IQCK: variants seen among roughly 807,000 people sequenced by gnomAD.
The protein encoded by IQCK is IQ motif containing K.
In IQCK, 29 loss-of-function variants were observed where a neutral mutation model predicts 28.1. That is an observed-to-expected ratio of 1.03 (90% CI 0.77 to 1.41). The LOEUF (loss-of-function observed/expected upper bound fraction) is 1.41. Among genes scored for constraint, IQCK ranks in the 40% most tolerant of loss-of-function variants. The probability of loss-of-function intolerance (pLI) is 0.00; values close to 1 mark genes in which losing one functional copy is unlikely to be tolerated. For synonymous variants in IQCK, 113 were observed against 115.1 expected, an observed-to-expected ratio of 0.98 and a Z score of 0.12; for missense variants, 359 against 314.7, an observed-to-expected ratio of 1.14 and a Z score of -1.07.
At position 19,825,347 on chromosome 16, in the gene IQCK, C is replaced by A. The variant is rs936300526; in HGVS notation, c.691-1679C>A. On this transcript the variant is annotated intron_variant, in intron 7 of 7. Coordinates refer to ENST00000564186, the Ensembl canonical transcript of IQCK. This position sits in a 1 kb window ranked among gnomAD's most constrained non-coding sequence, Gnocchi z 4.2. ...ACCAGCCTGACCAACATGGTAAAAC[C>A]CTGTCTCTACTAAAAATACAAAATT... Among the ~76,000 whole-genome samples the A allele has an allele frequency of 6.6e-6, 1 of 151,450 alleles. No homozygotes were observed. The highest frequency in any genetic ancestry group is 1.5e-5 in the Non-Finnish European group (1 of 67,906).
chr16:19,853,276 C>T (rs575519223), intron 9 of IQCK, among the ~76,000 whole-genome samples: 1 of 152,238 alleles, frequency 6.6e-6, no homozygotes, highest in African/African-American at 2.4e-5. Flanking sequence ...CCACGTCACA[C>T]CTTGATTTCC....
At chr16:19,819,230 C>T (rs1017314984) in intron 7 of IQCK, among the ~76,000 whole-genome samples, 6 of 152,124 alleles carry the variant, frequency 3.9e-5, no homozygotes, top group Non-Finnish European at 5.9e-5. Flanking sequence ...TGTTGTCTCA[C>T]GCCTGTAATT....
chr16:19,746,060 T>G (rs1295504072), intron 4 of IQCK, among the ~76,000 whole-genome samples: 3 of 150,548 alleles, frequency 2.0e-5, no homozygotes, highest in Non-Finnish European at 4.4e-5. Flanking sequence ...TCCCAGCTGC[T>G]CGGGAGGCTG....
intron 6 of IQCK, among the ~76,000 whole-genome samples, chr16:19,782,334 C>G (rs1477328773): frequency 6.6e-6 from 1 of 151,610 alleles, no homozygotes; most frequent in Non-Finnish European, 1.5e-5. Context: ...TGCAGTGAGC[C>G]GAGATCGCAC....
Position 19,856,589 on chromosome 16 carries a change from A to G in IQCK, c.*41A>G, listed in dbSNP as rs1447223037. 4.5e-6 allele frequency: 7 copies of G among 1,544,204 alleles called. No homozygotes were observed. In the African/African-American group the frequency reaches 6.8e-5, roughly 15 times the overall value. On this transcript the variant is annotated 3_prime_UTR_variant, in exon 10 of 10. Transcript: ENST00000320394. ...ATCTTTGCCCATTCGAGCACAAGTT[A>G]CCTTGTGCAAGGAAAATGTCCAAAT...
chr16:19,823,395 C>G (rs953627548), intron 7 of IQCK, among the ~76,000 whole-genome samples: 16 of 152,126 alleles, frequency 1.1e-4, no homozygotes, highest in Non-Finnish European at 1.9e-4. Flanking sequence ...TCTATTTCTG[C>G]TTCAGTGTGC....
intron 3 of IQCK, among the ~76,000 whole-genome samples, chr16:19,734,364 G>T (rs1002913930): frequency 2.0e-5 from 3 of 151,474 alleles, no homozygotes; most frequent in Admixed American, 1.3e-4. Flanking sequence ...GGGCATGGTG[G>T]CAGGAGAATC....
intron 4 of IQCK, among the ~76,000 whole-genome samples, chr16:19,743,884 G>T (rs2054870328): frequency 6.6e-6 from 1 of 152,216 alleles, no homozygotes; most frequent in African/African-American, 2.4e-5. Context: ...AGACCAGGGG[G>T]AACAGAGCAG....
intron 4 of IQCK, among the ~76,000 whole-genome samples, chr16:19,750,051 T>G (rs961783606): frequency 2.0e-5 from 3 of 152,216 alleles, no homozygotes; most frequent in African/African-American, 7.2e-5. Flanking sequence ...CTTGTAATTT[T>G]AATATTTCTA....
chr16:19,749,461 C>A (rs2054956343), intron 4 of IQCK, among the ~76,000 whole-genome samples: 1 of 152,038 alleles, frequency 6.6e-6, no homozygotes, highest in South Asian at 2.1e-4. Context: ...ACTATCTGAC[C>A]CTTTAAGAAA....
At chr16:19,856,674 T>C (rs554283601) in exon 10 of IQCK, 2 of 754,446 alleles carry the variant, frequency 2.7e-6, no homozygotes, top group Non-Finnish European at 4.5e-6. Context: ...ATGGAATCTT[T>C]TCTGTACAAG....
intron 9 of IQCK, among the ~76,000 whole-genome samples, chr16:19,841,317 C>T (rs561432874): frequency 1.3e-5 from 2 of 152,274 alleles, no homozygotes; most frequent in East Asian, 1.9e-4. Context: ...TTTGCATGAG[C>T]CCTACTGTTG....
In IQCK at chr16:19,784,923, C is replaced by A. The variant is rs111422272; in HGVS notation, c.606-3915C>A. ...AGCTGGGATTACAGGCACACACCAC[C>A]ACGGCTGGCTAAATTTTGTACTTTT... On this transcript the variant is annotated intron_variant, in intron 6 of 7. Transcript: ENST00000564186. Among the ~76,000 whole-genome samples, 853 of 152,220 alleles carry A rather than the reference C, an allele frequency of 5.6e-3. 11 individuals are homozygous for A. Among genetic ancestry groups the A allele is most frequent in the African/African-American group, 0.019 (808 of 41,534 alleles).
At chr16:19,773,151 G>A (rs563657940) in intron 6 of IQCK, among the ~76,000 whole-genome samples, 16 of 152,162 alleles carry the variant, frequency 1.1e-4, no homozygotes, top group Non-Finnish European at 2.1e-4. Flanking sequence ...CCCTACTGGA[G>A]GTGGCTGGAG....
rs1365480048 is a variant in IQCK at position 19,825,072 on chromosome 16, T to C, written c.691-1954T>C. Among the ~76,000 whole-genome samples the C allele has an allele frequency of 6.6e-6, 1 of 152,206 alleles. No individual in the cohort carries two copies. The highest frequency in any genetic ancestry group is 1.5e-5 in the Non-Finnish European group (1 of 68,046). On this transcript the variant is annotated intron_variant, in intron 7 of 7. Transcript: ENST00000564186. The surrounding 1 kb of genome is among the most constrained non-coding windows in gnomAD (Gnocchi z 4.2). The stretch of plus-strand genomic sequence containing the variant: ...TATTCCTGTGTCTCCTCCTACACTT[T>C]AAGTTTCTCAAAGGCAGCTGGAATC...
At chr16:19,764,050 G>T (rs2055192208) in exon 6 of IQCK, 1 of 1,613,928 alleles carries the variant, frequency 6.2e-7, no homozygotes, top group South Asian at 1.1e-5. Context: ...ATCCAAAGAG[G>T]GCAGGGGAGC....
At chr16:19,784,660 T>G (rs1166192090) in intron 6 of IQCK, among the ~76,000 whole-genome samples, 1 of 152,230 alleles carries the variant, frequency 6.6e-6, no homozygotes, top group African/African-American at 2.4e-5. Context: ...ATTTGAGCAT[T>G]AATTAGATAA....
At chr16:19,738,413 C>T (rs939906194) in intron 4 of IQCK, among the ~76,000 whole-genome samples, 1 of 152,124 alleles carries the variant, frequency 6.6e-6, no homozygotes, top group Admixed American at 6.5e-5. Context: ...GTCTGACCCC[C>T]CCCACCTCAT....
intron 4 of IQCK, among the ~76,000 whole-genome samples, chr16:19,749,164 T>C (rs2054952546): frequency 6.6e-6 from 1 of 152,144 alleles, no homozygotes. Flanking sequence ...TCATAAAGGG[T>C]TATCCAGGAA....
Sources: allele counts gnomAD v4.1 joint callset (sites outside exome capture counted in the v4.1 genomes callset), GRCh38; gene constraint gnomAD v4.1.1; non-coding constraint Gnocchi (gnomAD v3.1); transcripts MANE v1.5; gene names NCBI Gene and HGNC (gene_info 2026-07-23, HGNC 2026-07-21).